DMBT1: variants seen among roughly 807,000 people sequenced by gnomAD.
DMBT1 encodes deleted in malignant brain tumors 1, also known as scavenger receptor cysteine-rich domain-containing protein DMBT1.
In DMBT1, 198 loss-of-function variants were observed where a neutral mutation model predicts 252.9. The observed-to-expected ratio is 0.78, with a 90% CI of 0.70 to 0.88. DMBT1 has a LOEUF of 0.88. Ranked by LOEUF, DMBT1 falls within the 40% of genes least tolerant of loss-of-function variation. The probability of loss-of-function intolerance (pLI) is 0.00; values close to 1 mark genes in which losing one functional copy is unlikely to be tolerated. For synonymous variants in DMBT1, 990 were observed against 942.7 expected, an observed-to-expected ratio of 1.05 and a Z score of -0.92; for missense variants, 2,432 against 2,404.7, an observed-to-expected ratio of 1.01 and a Z score of -0.24.
chr10:122,601,145 G>A, intron 28 of DMBT1, 122 bp downstream of exon 28: 1 of 426,116 alleles, frequency 2.3e-6, no homozygotes. Context: ...GGTTGCGTGG[G>A]AGGAAGGTGG....
chr10:122,567,527 C>A (rs1005853602), intron 2 of DMBT1, among the ~76,000 whole-genome samples: 5 of 152,258 alleles, frequency 3.3e-5, no homozygotes, highest in Non-Finnish European at 7.4e-5. Context: ...CCTCCCTTTG[C>A]ATCCCATTCC....
intron 1 of DMBT1, among the ~76,000 whole-genome samples, chr10:122,561,913 C>CTCTG (rs1216755348): frequency 4.6e-5 from 7 of 150,990 alleles, no homozygotes; most frequent in Admixed American, 4.0e-4. Context: ...CTGTCTCTGT[C>CTCTG]TCTCTTTCTC....
chr10:122,619,286 C>G lies in DMBT1; in HGVS notation c.5216-22C>G, dbSNP rs943428190. 1.4e-5 allele frequency: 22 copies of G among 1,613,790 alleles called. No homozygotes were observed. In the African/African-American group the frequency reaches 2.8e-4, roughly 21 times the overall value. On this transcript the variant is annotated intron_variant, in intron 41 of 55. Transcript: ENST00000338354. ...TTTCTGTATAGTGCATCTGATCTGA[C>G]CTTCTCTTCTCTTTCTCACAGCTGC...
intron 44 of DMBT1, among the ~76,000 whole-genome samples, chr10:122,622,581 A>G (rs546065078): frequency 6.6e-6 from 1 of 152,178 alleles, no homozygotes; most frequent in Admixed American, 6.5e-5. Flanking sequence ...CCCCAAGTCT[A>G]TATCCCACCA....
chr10:122,571,927 CCACCTT>C lies in DMBT1; in HGVS notation c.188-385_188-380del, dbSNP rs1265189245. On this transcript the variant is annotated intron_variant, in intron 4 of 55. Coordinates refer to ENST00000338354, the MANE Select transcript of DMBT1 (RefSeq NM_001377530.1). Reference sequence around the variant, plus strand: ...TTTGGAAACCATCTTTCTTGTTGTACCACCTTCTCAGGAATATTTCAGTGATGGTGA... The same window carrying C: ...TTTGGAAACCATCTTTCTTGTTGTACCTCAGGAATATTTCAGTGATGGTGA... Among the ~76,000 whole-genome samples the C allele has an allele frequency of 7.9e-5, 12 of 152,304 alleles. No individual in the cohort carries two copies. The East Asian group carries it at 2.3e-3, about 29-fold the overall frequency.
At chr10:122,630,194 A>G in intron 47 of DMBT1, 94 bp from the exon 48 acceptor site, 1 of 1,392,940 alleles carries the variant, frequency 7.2e-7, no homozygotes, top group South Asian at 1.3e-5. Context: ...AAAAACCTGT[A>G]TTCAATGGCA....
chr10:122,563,390 A>G (rs1411738221), intron 1 of DMBT1, among the ~76,000 whole-genome samples: 6 of 152,188 alleles, frequency 3.9e-5, no homozygotes, highest in Non-Finnish European at 8.8e-5. Flanking sequence ...CCTAAAAGTA[A>G]TGTGAGCTCT....
At position 122,642,362 on chromosome 10, in the gene DMBT1, G is replaced by T. The variant is rs374106003; in HGVS notation, c.7353-760G>T. 9.1e-4 allele frequency among the ~76,000 whole-genome samples: 138 copies of T among 152,164 alleles called. 2 individuals carry two copies. Among genetic ancestry groups the T allele is most frequent in the African/African-American group, 3.1e-3 (128 of 41,510 alleles). ...GAGAAATGCCCATCCTAGGCCAGTG[G>T]GCCAGTTTTCCTGGCTTTTCTCTTT... On this transcript the variant is annotated intron_variant, in intron 55 of 55. Transcript: ENST00000338354.
At chr10:122,634,340 TTTTCTTTC>T (rs776949913) in intron 52 of DMBT1, among the ~76,000 whole-genome samples, 2,840 of 99,934 alleles carry the variant, frequency 0.028, 107 homozygotes, top group East Asian at 0.043. Flanking sequence ...CTAAAAGCAC[TTTTCTTTC>T]TTTCTTTCTT....
rs555081198 is a variant in DMBT1, at chr10:122,579,630, A to G, written c.732A>G (p.Arg244=). 1.4e-4 allele frequency: 218 copies of G among 1,613,602 alleles called. No homozygotes were observed. The African/African-American group carries it at 2.0e-3, about 15-fold the overall frequency. The change falls in exon 10 of 56, where the codon CGA becomes CGG. Residue 244 remains arginine (R), a synonymous_variant. Coordinates refer to ENST00000338354, the MANE Select transcript of DMBT1 (RefSeq NM_001377530.1). ...LRLVNGGDRC[R]GRVEVLYRGS... is the part of the protein sequence containing the mutation. ...TGGTGAATGGAGGCGACAGGTGTCG[A>G]GGCCGAGTGGAGGTCCTATACCGAG...
At position 122,579,467 on chromosome 10, in the gene DMBT1, C is replaced by A; in HGVS notation, c.680-111C>A. On this transcript the variant is annotated intron_variant, in intron 9 of 55. Transcript: ENST00000338354. ...AGTCTGTGGTCATATGCAAAGGTGA[C>A]TGCCTGCCTAGGTGACTTAGTTCAT... is the stretch of plus-strand genomic sequence containing the variant. 5 of 1,576,526 alleles carry A rather than the reference C, an allele frequency of 3.2e-6. No homozygotes were observed. In the South Asian group the frequency reaches 6.0e-5, roughly 19 times the overall value.
Position 122,642,444 on chromosome 10 carries a change from C to A in DMBT1, c.7353-678C>A, listed in dbSNP as rs1844736000. Reference sequence around the variant, plus strand: ...ATAACTGGGTTAGTGTGAGCTGCTTCTTCCATCTTAGGAAAATTCCTGTAA... The same window carrying A: ...ATAACTGGGTTAGTGTGAGCTGCTTATTCCATCTTAGGAAAATTCCTGTAA... On this transcript the variant is annotated intron_variant, in intron 55 of 55. Transcript: ENST00000338354. Among the ~76,000 whole-genome samples the A allele has an allele frequency of 2.0e-5, 3 of 152,218 alleles. No homozygotes were observed. In the South Asian group the frequency reaches 6.2e-4, roughly 31 times the overall value.
Position 122,630,479 on chromosome 10 carries a change from C to A in DMBT1, c.6014C>A (p.Ser2005Tyr). The A allele has an allele frequency of 6.2e-7, 1 of 1,613,954 alleles. No individual in the cohort carries two copies. The highest frequency in any genetic ancestry group is 8.5e-7 in the Non-Finnish European group (1 of 1,179,874). Reference protein sequence around the residue: ...QNTGFLAWYNSFPSDATLRLV... With the variant: ...QNTGFLAWYNYFPSDATLRLV... ...ACTGGCTTTTTGGCTTGGTATAACT[C>A]CTTCCCAAGCGGTAAGTGCACACTA... The change falls in exon 48 of 56, where the codon TCC (serine) becomes TAC (tyrosine). Residue 2005 changes from serine to tyrosine, a missense_variant. By Grantham distance (144) the Ser-to-Tyr change is moderately radical (BLOSUM62 -2). This residue lies in a region of DMBT1 where 1,162 missense variants were observed against 1,169.0 expected (regional missense o/e 0.99). Coordinates refer to ENST00000338354, the MANE Select transcript of DMBT1 (RefSeq NM_001377530.1).
rs754500938 is a variant in DMBT1 at position 122,598,939 on chromosome 10, C to G, written c.3122C>G (p.Ser1041Ter). 1.9e-6 allele frequency: 3 copies of G among 1,613,822 alleles called. No homozygotes were observed. The highest frequency in any genetic ancestry group is 2.2e-5 in the South Asian group (2 of 91,068). The change falls in exon 26 of 56, where the codon TCA (serine) becomes TGA (stop). Residue 1041 changes from serine to a stop codon, truncating the protein, a stop_gained. Coordinates refer to ENST00000338354, the MANE Select transcript of DMBT1 (RefSeq NM_001377530.1). LOFTEE classifies it high-confidence loss of function. ...CRQLGCGWAM[S>*]APGNARFGQG... ...CAACTGGGCTGTGGCTGGGCCATGT[C>G]AGCCCCAGGAAATGCCCGGTTTGGT...
rs370386826 is a variant in DMBT1 at position 122,637,177 on chromosome 10, T to C, written c.6807T>C (p.Tyr2269=). The C allele has an allele frequency of 4.3e-6, 7 of 1,613,900 alleles. No individual in the cohort carries two copies. In the African/African-American group the frequency reaches 9.3e-5, roughly 22 times the overall value. Residue 2269 remains tyrosine (Y), a synonymous_variant, in exon 54 of 56, where the codon TAT becomes TAC. Coordinates refer to ENST00000338354, the MANE Select transcript of DMBT1 (RefSeq NM_001377530.1). The part of the protein sequence containing the change: ...NHMQASVSRS[Y]LQSLGFSASD... ...TGCAAGCCAGTGTGAGCAGGAGCTATCTCCAATCCTTGGGCTTTTCTGCCA... is the reference window on the plus strand; with the variant it reads ...TGCAAGCCAGTGTGAGCAGGAGCTACCTCCAATCCTTGGGCTTTTCTGCCA...
At chr10:122,636,249 G>C (rs779891044) in intron 53 of DMBT1, 50 bp downstream of exon 53, 1 of 1,481,518 alleles carries the variant, frequency 6.7e-7, no homozygotes, top group Non-Finnish European at 9.4e-7. Flanking sequence ...CATCCTGAGA[G>C]CATCTGTGGC....
In DMBT1 at chr10:122,599,983, C is replaced by G. The variant is rs577993816; in HGVS notation, c.3281-81C>G. The G allele has an allele frequency of 7.7e-6, 12 of 1,558,374 alleles. No individual in the cohort carries two copies. The African/African-American group carries it at 1.4e-4, about 18-fold the overall frequency. On this transcript the variant is annotated intron_variant, in intron 26 of 55. Transcript: ENST00000338354. ...TAGGATGGACTGAGTGTCAGACTCG[C>G]CCATTTCTTTCCCTCCTCGTTCCAC...
At position 122,598,842 on chromosome 10, in the gene DMBT1, C is replaced by T; in HGVS notation, c.3025C>T (p.Leu1009=). 2 of 1,613,696 alleles carry T rather than the reference C, an allele frequency of 1.2e-6. No individual in the cohort carries two copies. The highest frequency in any genetic ancestry group is 1.7e-6 in the Non-Finnish European group (2 of 1,179,746). The change falls in exon 26 of 56, where the codon CTA becomes TTA. Residue 1009 remains leucine, a synonymous_variant. Transcript: ENST00000338354. ...GDRCQGRVEV[L]YQGSWGTVCD... is the part of the protein sequence containing the mutation. ...CAGGTGTCAGGGCCGAGTGGAGGTC[C>T]TATACCAAGGCTCCTGGGGCACCGT...
In DMBT1 at chr10:122,625,322, A is replaced by T. The variant is rs1001085852; in HGVS notation, c.5635+19A>T. ...ACGACAGGTGAGTCTGCTACACCCC[A>T]GTCCAGCAATATTTCTCTTGGGAAT... On this transcript the variant is annotated intron_variant, in intron 45 of 55. Coordinates refer to ENST00000338354, the MANE Select transcript of DMBT1 (RefSeq NM_001377530.1). 3.1e-6 allele frequency: 5 copies of T among 1,606,526 alleles called. No individual in the cohort carries two copies. In the African/African-American group the frequency reaches 5.3e-5, roughly 17 times the overall value.
Sources: allele counts gnomAD v4.1 joint callset (sites outside exome capture counted in the v4.1 genomes callset), GRCh38; gene constraint gnomAD v4.1.1; regional missense constraint gnomAD v4.1.1; transcripts MANE v1.5; gene names NCBI Gene and HGNC (gene_info 2026-07-23, HGNC 2026-07-21).